The following SRPK2 variants were observed in gnomAD, a reference collection of about 807,000 sequenced individuals.
SRPK2 encodes SRSF protein kinase 2.
A neutral mutation model predicts 90.8 loss-of-function variants in SRPK2; 21 were observed. That is an observed-to-expected ratio of 0.23 (90% CI 0.16 to 0.33). The LOEUF (loss-of-function observed/expected upper bound fraction) is 0.33. Among genes scored for constraint, SRPK2 ranks in the 10% least tolerant of loss-of-function variants. The pLI, the probability that SRPK2 is intolerant of heterozygous loss-of-function variation, is 1.00. For missense variants in SRPK2, 620 were observed against 869.0 expected, an observed-to-expected ratio of 0.71 and a Z score of 3.60; for synonymous variants, 288 against 311.1, an observed-to-expected ratio of 0.93 and a Z score of 0.78.
chr7:105,242,288 G>A (rs1266154831), intron 2 of SRPK2, among the ~76,000 whole-genome samples: 1 of 152,096 alleles, frequency 6.6e-6, no homozygotes, highest in African/African-American at 2.4e-5. Flanking sequence ...GAGGCGGCTG[G>A]AATGCTTGAG....
At chr7:105,218,203 A>C (rs1797692739) in intron 2 of SRPK2, among the ~76,000 whole-genome samples, 2 of 152,222 alleles carry the variant, frequency 1.3e-5, no homozygotes, top group Admixed American at 1.3e-4. Context: ...AGATTTTGAC[A>C]CCCTGGGGTG....
In SRPK2 at chr7:105,168,109, C is replaced by G; in HGVS notation, c.339-14G>C. 1 of 1,582,926 alleles carries G rather than the reference C, an allele frequency of 6.3e-7. No individual in the cohort carries two copies. Among genetic ancestry groups the G allele is most frequent in the Non-Finnish European group, 8.6e-7 (1 of 1,160,756 alleles). ...AATCTTTTCCCCCTAAAAGAAAAAACAAAAAAAGAGTCTATTTATCTATAT... is the reference window on the plus strand; with the variant it reads ...AATCTTTTCCCCCTAAAAGAAAAAAGAAAAAAAGAGTCTATTTATCTATAT... On this transcript the variant is annotated splice_polypyrimidine_tract_variant and intron_variant, in intron 4 of 15. Transcript: ENST00000393651.
chr7:105,194,483 TAATA>T (rs991172058), intron 3 of SRPK2, among the ~76,000 whole-genome samples: 4 of 152,160 alleles, frequency 2.6e-5, no homozygotes, highest in African/African-American at 9.6e-5. Flanking sequence ...GCACAAACAC[TAATA>T]AATAAGCAAA....
intron 3 of SRPK2, among the ~76,000 whole-genome samples, chr7:105,179,273 G>A (rs929231580): frequency 6.6e-6 from 1 of 152,164 alleles, no homozygotes; most frequent in Non-Finnish European, 1.5e-5. Context: ...CTTAACCTGT[G>A]TCAGCACTTG....
At chr7:105,224,544 G>C (rs1309097915) in intron 2 of SRPK2, among the ~76,000 whole-genome samples, 1 of 152,156 alleles carries the variant, frequency 6.6e-6, no homozygotes, top group African/African-American at 2.4e-5. Flanking sequence ...AGGAGGTGGA[G>C]GTGGCAATGA....
chr7:105,188,396 T>C (rs1006769146), intron 3 of SRPK2, among the ~76,000 whole-genome samples: 3 of 152,214 alleles, frequency 2.0e-5, no homozygotes, highest in East Asian at 1.9e-4. Context: ...GAAAATGTTC[T>C]GGAATTTTAA....
chr7:105,349,799 C>T (rs563840290), intron 2 of SRPK2, among the ~76,000 whole-genome samples: 27 of 152,134 alleles, frequency 1.8e-4, no homozygotes, highest in African/African-American at 6.0e-4. Flanking sequence ...TGTGCAGTGC[C>T]GTGATCTCAG....
At chr7:105,305,480 T>C (rs1231213172) in intron 2 of SRPK2, among the ~76,000 whole-genome samples, 2 of 152,174 alleles carry the variant, frequency 1.3e-5, no homozygotes, top group Non-Finnish European at 2.9e-5. Context: ...ATTATAACAG[T>C]ATACAAAAGA....
intron 2 of SRPK2, among the ~76,000 whole-genome samples, chr7:105,314,800 G>A (rs1381884251): frequency 1.3e-5 from 2 of 152,178 alleles, no homozygotes; most frequent in East Asian, 1.9e-4. Flanking sequence ...AGAAAAACCT[G>A]TAAACATAAA....
At chr7:105,340,399 CTTTTT>C (rs781142110) in intron 2 of SRPK2, among the ~76,000 whole-genome samples, 9 of 128,310 alleles carry the variant, frequency 7.0e-5, no homozygotes, top group Non-Finnish European at 1.2e-4. Context: ...CTTTTCTCTC[CTTTTT>C]TTTTTTTTTT....
chr7:105,231,114 G>A (rs538038001), intron 2 of SRPK2, among the ~76,000 whole-genome samples: 2 of 152,220 alleles, frequency 1.3e-5, no homozygotes, highest in South Asian at 2.1e-4. Flanking sequence ...CCCAGTGTCT[G>A]TTTCCTTCTT....
At chr7:105,200,357 C>T (rs981121547) in intron 3 of SRPK2, among the ~76,000 whole-genome samples, 8 of 151,958 alleles carry the variant, frequency 5.3e-5, no homozygotes, top group African/African-American at 7.3e-5. Flanking sequence ...CAAAAGGACA[C>T]AGAACCAATC....
intron 2 of SRPK2, among the ~76,000 whole-genome samples, chr7:105,331,663 A>G (rs1170945726): frequency 6.6e-6 from 1 of 152,214 alleles, no homozygotes; most frequent in African/African-American, 2.4e-5. Context: ...TGAATAAAGC[A>G]CATATGAGCC....
chr7:105,164,653 T>C (rs148241998), intron 6 of SRPK2, among the ~76,000 whole-genome samples: 113 of 152,350 alleles, frequency 7.4e-4, no homozygotes, highest in Middle Eastern at 3.4e-3. Flanking sequence ...TTTTGTCTTT[T>C]AATCTAGTTT....
chr7:105,203,882 T>C, intron 2 of SRPK2, 97 bp from the exon 3 acceptor site: 8 of 1,381,522 alleles, frequency 5.8e-6, no homozygotes, highest in Non-Finnish European at 7.9e-6. Context: ...AAAATAAAAC[T>C]TGTCACATAC....
intron 1 of SRPK2, among the ~76,000 whole-genome samples, chr7:105,397,249 G>T (rs907261572): frequency 6.6e-6 from 1 of 151,478 alleles, no homozygotes; most frequent in Non-Finnish European, 1.5e-5. Flanking sequence ...ATCTTTTGAC[G>T]TCGTGATCCA....
intron 13 of SRPK2, among the ~76,000 whole-genome samples, chr7:105,127,954 G>C (rs959369639): frequency 1.3e-5 from 2 of 152,202 alleles, no homozygotes; most frequent in African/African-American, 4.8e-5. Flanking sequence ...CTGTGGATCT[G>C]TGACTGCCCT....
chr7:105,282,916 A>G (rs1807535371), intron 2 of SRPK2, among the ~76,000 whole-genome samples: 1 of 151,736 alleles, frequency 6.6e-6, no homozygotes, highest in South Asian at 2.1e-4. Flanking sequence ...ACTAGCATCC[A>G]GAATATATAA....
chr7:105,395,894 TG>T (rs1822307974), intron 1 of SRPK2, among the ~76,000 whole-genome samples: 1 of 152,136 alleles, frequency 6.6e-6, no homozygotes. Flanking sequence ...CATACTATAG[TG>T]ATGTTTTTTA....
Sources: gnomAD v4.1 joint callset for allele counts (sites outside exome capture counted in the v4.1 genomes callset) on GRCh38, gnomAD v4.1.1 for gene constraint, MANE v1.5 for transcripts, NCBI Gene and HGNC (gene_info 2026-07-23, HGNC 2026-07-21) for gene names.